Variants in EGFR observed in about 807,000 individuals in gnomAD.
EGFR encodes avian erythroblastic leukemia viral (v-erb-b) oncogene homolog.
A neutral mutation model predicts 143.0 loss-of-function variants in EGFR; 58 were observed. That is an observed-to-expected ratio of 0.41 (90% CI 0.33 to 0.50). The LOEUF (loss-of-function observed/expected upper bound fraction) is 0.50, where lower values mean the gene tolerates loss of function less well. EGFR is among the 20% of genes least tolerant of loss of function. The probability of loss-of-function intolerance (pLI) is 0.39; values close to 1 mark genes in which losing one functional copy is unlikely to be tolerated. For missense variants in EGFR, 1,307 were observed against 1,579.0 expected (o/e 0.83, Z 2.92); for synonymous variants, 613 against 594.4 (o/e 1.03, Z -0.45).
chr7:55,155,526 G>A (rs1355901696), intron 7 of EGFR, among the ~76,000 whole-genome samples: 3 of 152,324 alleles, frequency 2.0e-5, no homozygotes, highest in Non-Finnish European at 4.4e-5. Context: ...TTAAAGGTGA[G>A]AGCAGGTGGA....
chr7:55,113,319 C>T (rs940746922), intron 1 of EGFR, among the ~76,000 whole-genome samples: 1 of 152,208 alleles, frequency 6.6e-6, no homozygotes, highest in Non-Finnish European at 1.5e-5. Flanking sequence ...ACACAGTACG[C>T]TTTCAGTAAA....
rs1785927013 is a variant in EGFR, at chr7:55,165,453, A to G, written c.1880+16A>G. Reference sequence around the variant, plus strand: ...GCACCTACGGGTGAGTGGAAAGTGAAGGAGAACAGAACATTTCCTCTCTTG... The same window carrying G: ...GCACCTACGGGTGAGTGGAAAGTGAGGGAGAACAGAACATTTCCTCTCTTG... On this transcript the variant is annotated intron_variant, in intron 15 of 27. Coordinates refer to ENST00000275493, the MANE Select transcript of EGFR (RefSeq NM_005228.5). 1 of 1,601,572 alleles carries G rather than the reference A, an allele frequency of 6.2e-7. No homozygotes were observed.
chr7:55,084,944 T>C (rs1405566095), intron 1 of EGFR, among the ~76,000 whole-genome samples: 1 of 152,108 alleles, frequency 6.6e-6, no homozygotes, highest in Non-Finnish European at 1.5e-5. Flanking sequence ...TGATCTTCCA[T>C]AGTCAGGCAT....
intron 1 of EGFR, among the ~76,000 whole-genome samples, chr7:55,078,319 G>A (rs1458689985): frequency 1.4e-5 from 2 of 144,686 alleles, no homozygotes; most frequent in African/African-American, 2.5e-5. Context: ...CACCGCCACA[G>A]CCCAGAGCGG....
chr7:55,119,053 C>T (rs1253347414), intron 1 of EGFR: 3 of 152,168 alleles, frequency 2.0e-5, no homozygotes, highest in Admixed American at 6.5e-5. Flanking sequence ...GCTCATTTTA[C>T]AGTTCAAGTG....
intron 1 of EGFR, among the ~76,000 whole-genome samples, chr7:55,096,870 C>T (rs1270369823): frequency 3.3e-5 from 5 of 152,058 alleles, no homozygotes; most frequent in South Asian, 2.1e-4. Context: ...GAGGTGCAGC[C>T]GAGGTTCTAT....
At chr7:55,150,341 G>T (rs545831769) in intron 4 of EGFR, among the ~76,000 whole-genome samples, 8 of 152,114 alleles carry the variant, frequency 5.3e-5, no homozygotes, top group African/African-American at 1.9e-4. Context: ...CATCCCCCGC[G>T]GTCACTGTCG....
At chr7:55,056,998 C>T (rs1406946448) in intron 1 of EGFR, among the ~76,000 whole-genome samples, 1 of 152,186 alleles carries the variant, frequency 6.6e-6, no homozygotes, top group East Asian at 1.9e-4. Context: ...GAGTCAGAAT[C>T]CCCGCAGAGT....
At chr7:55,186,269 C>T (rs777393523) in intron 20 of EGFR, among the ~76,000 whole-genome samples, 2 of 152,246 alleles carry the variant, frequency 1.3e-5, no homozygotes, top group Non-Finnish European at 2.9e-5. Context: ...AGAAGAGACC[C>T]TGGCTTGCTC....
chr7:55,036,330 T>C (rs959271034), intron 1 of EGFR, among the ~76,000 whole-genome samples: 8 of 148,936 alleles, frequency 5.4e-5, no homozygotes, highest in African/African-American at 2.0e-4. Flanking sequence ...TTTATTGTCC[T>C]GTATTTGGTC....
chr7:55,171,606 C>T (rs1300376112), intron 16 of EGFR, among the ~76,000 whole-genome samples: 1 of 152,166 alleles, frequency 6.6e-6, no homozygotes, highest in African/African-American at 2.4e-5. Flanking sequence ...CCTTTCTGTT[C>T]GATGACAACC....
At chr7:55,112,094 A>G (rs923486828) in intron 1 of EGFR, among the ~76,000 whole-genome samples, 1 of 152,214 alleles carries the variant, frequency 6.6e-6, no homozygotes, top group African/African-American at 2.4e-5. Context: ...AGTGACCCAC[A>G]GGACTCACCG....
At chr7:55,036,263 T>G (rs1015228619) in intron 1 of EGFR, among the ~76,000 whole-genome samples, 2 of 21,138 alleles carry the variant, frequency 9.5e-5, no homozygotes, top group African/African-American at 2.7e-4. Flanking sequence ...GTCAAGTTTG[T>G]GTGTGTGTGG....
chr7:55,053,264 G>C (rs1222809447), intron 1 of EGFR, among the ~76,000 whole-genome samples: 1 of 152,204 alleles, frequency 6.6e-6, no homozygotes, highest in African/African-American at 2.4e-5. Context: ...ACTCACAGCT[G>C]ATTCAGTTCA....
chr7:55,026,381 C>T (rs757376069), intron 1 of EGFR, among the ~76,000 whole-genome samples: 2 of 152,204 alleles, frequency 1.3e-5, no homozygotes, highest in African/African-American at 2.4e-5. Context: ...TCCACCCCTC[C>T]TCCTTTTTAT....
intron 1 of EGFR, among the ~76,000 whole-genome samples, chr7:55,102,012 C>G (rs898907768): frequency 1.3e-5 from 2 of 152,148 alleles, no homozygotes; most frequent in Non-Finnish European, 2.9e-5. Context: ...ATTCTCTTGA[C>G]TAAAACCCTC....
chr7:55,024,579 G>A (rs1786772667), intron 1 of EGFR, among the ~76,000 whole-genome samples: 1 of 152,162 alleles, frequency 6.6e-6, no homozygotes, highest in South Asian at 2.1e-4. Flanking sequence ...TTACTAGCGC[G>A]GCAGCACACA....
chr7:55,160,049 CA>C, intron 11 of EGFR, 89 bp from the exon 12 acceptor site: 2 of 1,368,492 alleles, frequency 1.5e-6, no homozygotes, highest in South Asian at 2.4e-5. Context: ...AGTTTGTAGT[CA>C]ATCAAAGGTG....
chr7:55,096,534 G>A (rs954612956), intron 1 of EGFR, among the ~76,000 whole-genome samples: 1 of 152,114 alleles, frequency 6.6e-6, no homozygotes, highest in Non-Finnish European at 1.5e-5. Flanking sequence ...TTCTGTTTAT[G>A]GCCATTTTAC....
Sources: allele counts gnomAD v4.1 joint callset (sites outside exome capture counted in the v4.1 genomes callset), GRCh38; gene constraint gnomAD v4.1.1; transcripts MANE v1.5; gene names NCBI Gene and HGNC (gene_info 2026-07-23, HGNC 2026-07-21).